The following ARHGAP24 variants were observed in gnomAD, a reference collection of about 807,000 sequenced individuals.
The protein encoded by ARHGAP24 is rho GTPase-activating protein 24.
ARHGAP24 carries 50 observed loss-of-function variants against 76.4 expected under a neutral mutation model. The observed-to-expected ratio is 0.65, with a 90% CI of 0.52 to 0.83. The LOEUF (loss-of-function observed/expected upper bound fraction) is 0.83, where lower values mean the gene tolerates loss of function less well. ARHGAP24 is among the 40% of genes least tolerant of loss of function. The pLI, the probability that ARHGAP24 is intolerant of heterozygous loss-of-function variation, is 0.00. For synonymous variants in ARHGAP24, 345 were observed against 323.3 expected (o/e 1.07, Z -0.72); for missense variants, 930 against 914.2 (o/e 1.02, Z -0.22).
At chr4:85,642,411 T>C (rs1321900466) in intron 2 of ARHGAP24, among the ~76,000 whole-genome samples, 3 of 152,266 alleles carry the variant, frequency 2.0e-5, no homozygotes, top group Admixed American at 6.5e-5. Flanking sequence ...CTTCTTTCAA[T>C]AGTCTACTAA....
chr4:85,723,323 C>T (rs938871187), intron 3 of ARHGAP24: 1 of 152,204 alleles, frequency 6.6e-6, no homozygotes, highest in African/African-American at 2.4e-5. Flanking sequence ...AAGGAGGTTT[C>T]ATCTTTTGGT....
intron 1 of ARHGAP24, among the ~76,000 whole-genome samples, chr4:85,531,293 C>T (rs1725249240): frequency 6.6e-6 from 1 of 152,022 alleles, no homozygotes; most frequent in African/African-American, 2.4e-5. Context: ...TGCTCTGTCC[C>T]CAACACTTAG....
At chr4:85,868,471 AG>A (rs1292132977) in intron 3 of ARHGAP24, among the ~76,000 whole-genome samples, 6 of 152,202 alleles carry the variant, frequency 3.9e-5, no homozygotes, top group African/African-American at 1.4e-4. Flanking sequence ...ACAGCTTTGC[AG>A]GGCCGTTTCT....
intron 3 of ARHGAP24, among the ~76,000 whole-genome samples, chr4:85,905,418 A>C (rs931117983): frequency 2.0e-5 from 3 of 152,182 alleles, no homozygotes; most frequent in African/African-American, 7.2e-5. Flanking sequence ...TGTGATAATT[A>C]ACTCTTACAT....
intron 2 of ARHGAP24, among the ~76,000 whole-genome samples, chr4:85,693,442 C>T (rs1235869244): frequency 1.3e-5 from 2 of 152,220 alleles, no homozygotes; most frequent in African/African-American, 4.8e-5. Context: ...GCCTCAGTCT[C>T]TGAGAGTGTG....
intron 3 of ARHGAP24, among the ~76,000 whole-genome samples, chr4:85,900,924 A>G (rs1349414780): frequency 2.0e-5 from 3 of 152,326 alleles, no homozygotes; most frequent in East Asian, 1.9e-4. Flanking sequence ...ATAAACTGAT[A>G]TAACGTCATG....
chr4:85,683,126 G>A (rs1262289958), intron 2 of ARHGAP24, among the ~76,000 whole-genome samples: 2 of 87,534 alleles, frequency 2.3e-5, no homozygotes, highest in African/African-American at 6.0e-5. Context: ...GTGGGGGGGG[G>A]GTGCGGGGGC....
chr4:85,513,996 AT>A (rs1386314691), intron 1 of ARHGAP24, among the ~76,000 whole-genome samples: 1 of 152,148 alleles, frequency 6.6e-6, no homozygotes, highest in African/African-American at 2.4e-5. Flanking sequence ...AAAGGTCTGC[AT>A]TCCTGTTTTC....
chr4:85,647,547 T>G lies in ARHGAP24; in HGVS notation c.181-74338T>G, dbSNP rs6815778. Reference sequence around the variant, plus strand: ...TGAATAAGTTAGCCTAACACTTACTTGTTACCTCATTATTTTCACATATAA... The same window carrying G: ...TGAATAAGTTAGCCTAACACTTACTGGTTACCTCATTATTTTCACATATAA... On this transcript the variant is annotated intron_variant, in intron 2 of 9. Coordinates refer to ENST00000395184, the MANE Select transcript of ARHGAP24 (RefSeq NM_001025616.3). Among the ~76,000 whole-genome samples, 1,078 of 152,218 alleles carry G rather than the reference T, an allele frequency of 7.1e-3. 16 individuals are homozygous for G. Among genetic ancestry groups the G allele is most frequent in the African/African-American group, 0.024 (1,003 of 41,556 alleles).
intron 2 of ARHGAP24, among the ~76,000 whole-genome samples, chr4:85,597,668 C>A (rs552017987): frequency 6.6e-6 from 1 of 151,334 alleles, no homozygotes; most frequent in African/African-American, 2.4e-5. Context: ...ATTTGGGAGA[C>A]ATTAAATAAA....
chr4:85,622,935 G>A (rs1003602242), intron 2 of ARHGAP24, among the ~76,000 whole-genome samples: 35 of 152,002 alleles, frequency 2.3e-4, no homozygotes, highest in African/African-American at 7.7e-4. Context: ...CCCACTTTTT[G>A]ATGGGGTTGT....
chr4:85,609,748 A>G (rs1395417692), intron 2 of ARHGAP24, among the ~76,000 whole-genome samples: 1 of 152,182 alleles, frequency 6.6e-6, no homozygotes, highest in Admixed American at 6.5e-5. Context: ...GTGATGTCTT[A>G]ATGGATATAT....
chr4:85,572,874 C>CTTTTTTT (rs775780758), intron 2 of ARHGAP24, among the ~76,000 whole-genome samples: 9 of 124,294 alleles, frequency 7.2e-5, no homozygotes, highest in Non-Finnish European at 8.4e-5. Context: ...TTTTTTCTTT[C>CTTTTTTT]TTTTTTTTTT....
At chr4:85,971,041 G>A (rs1181341871) in intron 5 of ARHGAP24, among the ~76,000 whole-genome samples, 8 of 152,112 alleles carry the variant, frequency 5.3e-5, no homozygotes, top group Admixed American at 2.6e-4. Flanking sequence ...GTTATGTAAA[G>A]GACGTTAAGT....
At chr4:85,664,146 T>C (rs1368194724) in intron 2 of ARHGAP24, among the ~76,000 whole-genome samples, 2 of 151,474 alleles carry the variant, frequency 1.3e-5, no homozygotes, top group Non-Finnish European at 2.9e-5. Context: ...GGTCCTGGAC[T>C]CTTTTTTGTT....
intron 4 of ARHGAP24, among the ~76,000 whole-genome samples, chr4:85,940,418 G>C (rs184830515): frequency 2.0e-5 from 3 of 152,078 alleles, no homozygotes; most frequent in African/African-American, 7.2e-5. Flanking sequence ...GACAATTACA[G>C]ATGTCTTCCC....
chr4:85,841,557 A>G (rs1730596669), intron 3 of ARHGAP24, among the ~76,000 whole-genome samples: 1 of 152,206 alleles, frequency 6.6e-6, no homozygotes, highest in South Asian at 2.1e-4. Flanking sequence ...ATTATATTTT[A>G]CTATAGCAGT....
intron 2 of ARHGAP24, among the ~76,000 whole-genome samples, chr4:85,610,518 A>G (rs1720347765): frequency 7.1e-6 from 1 of 141,226 alleles, no homozygotes. Context: ...AATACATTTT[A>G]ATAGATTTGA....
chr4:85,992,747 T>A (rs1269459922), intron 8 of ARHGAP24, among the ~76,000 whole-genome samples: 1 of 152,186 alleles, frequency 6.6e-6, no homozygotes, highest in Non-Finnish European at 1.5e-5. Context: ...GAAAATATGA[T>A]GACAAATTCG....
Sources: allele counts gnomAD v4.1 joint callset (sites outside exome capture counted in the v4.1 genomes callset), GRCh38; gene constraint gnomAD v4.1.1; transcripts MANE v1.5; gene names NCBI Gene and HGNC (gene_info 2026-07-23, HGNC 2026-07-21).